GRID1: variants seen among roughly 807,000 people sequenced by gnomAD.
GRID1 encodes glutamate receptor ionotropic, delta-1.
A neutral mutation model predicts 98.0 loss-of-function variants in GRID1; 28 were observed. The observed-to-expected ratio is 0.29, with a 90% confidence interval of 0.21 to 0.39. The LOEUF (loss-of-function observed/expected upper bound fraction) is 0.39, where lower values mean the gene tolerates loss of function less well. Ranked by LOEUF, GRID1 falls within the 10% of genes least tolerant of loss-of-function variation. The pLI, the probability that GRID1 is intolerant of heterozygous loss-of-function variation, is 1.00. For missense variants in GRID1, 1,111 were observed against 1,340.5 expected (o/e 0.83, Z 2.67); for synonymous variants, 553 against 538.5 (o/e 1.03, Z -0.37).
intron 4 of GRID1, among the ~76,000 whole-genome samples, chr10:86,028,823 T>TTAAATTTTTTTAAG (rs1843149493): frequency 6.6e-6 from 1 of 152,108 alleles, no homozygotes; most frequent in Non-Finnish European, 1.5e-5. Flanking sequence ...ATATTTATAC[T>TTAAATTTTTTTAAG]TAAAAAAAAA....
At chr10:86,356,418 G>A (rs1848534226) in intron 2 of GRID1, among the ~76,000 whole-genome samples, 1 of 152,244 alleles carries the variant, frequency 6.6e-6, no homozygotes, top group South Asian at 2.1e-4. Flanking sequence ...TCTGCTTCCA[G>A]GCACATAGTA....
intron 12 of GRID1, among the ~76,000 whole-genome samples, chr10:85,677,336 G>A (rs1841155941): frequency 6.6e-6 from 1 of 152,186 alleles, no homozygotes; most frequent in Admixed American, 6.5e-5. Flanking sequence ...AGCAAGCAGT[G>A]GGAAAAGGGA....
At chr10:86,061,210 C>G (rs568486737) in intron 4 of GRID1, among the ~76,000 whole-genome samples, 1 of 152,152 alleles carries the variant, frequency 6.6e-6, no homozygotes, top group African/African-American at 2.4e-5. Flanking sequence ...CCAGCAGCTC[C>G]GAGCAGCTCC....
intron 4 of GRID1, among the ~76,000 whole-genome samples, chr10:86,071,292 A>C (rs1254268895): frequency 6.6e-6 from 1 of 152,176 alleles, no homozygotes; most frequent in Non-Finnish European, 1.5e-5. Flanking sequence ...TGCCACTCAG[A>C]ATGTCCACCC....
chr10:85,607,065 C>T (rs1842676296), intron 15 of GRID1: 2 of 152,200 alleles, frequency 1.3e-5, no homozygotes, highest in Non-Finnish European at 1.5e-5. Context: ...TCCAGCTCTG[C>T]GTTTCTCATC....
Position 85,987,590 on chromosome 10 carries a change from C to T in GRID1, c.727-71351G>A, listed in dbSNP as rs573680270. The stretch of plus-strand genomic sequence containing the variant: ...CTCCCCAGCCTCACCTCCCCTACAG[C>T]CTTACCTGCCTTACCTGCTCCTACC... On this transcript the variant is annotated intron_variant, in intron 4 of 15. Coordinates refer to ENST00000327946, the MANE Select transcript of GRID1 (RefSeq NM_017551.3). Among the ~76,000 whole-genome samples, 4 of 148,082 alleles carry T rather than the reference C, an allele frequency of 2.7e-5. No homozygotes were observed. In the East Asian group the frequency reaches 6.0e-4, roughly 22 times the overall value.
At chr10:85,865,167 G>A (rs1386297239) in intron 6 of GRID1, among the ~76,000 whole-genome samples, 1 of 152,062 alleles carries the variant, frequency 6.6e-6, no homozygotes, top group African/African-American at 2.4e-5. Context: ...AAGGAAACAA[G>A]AATCAAAAAC....
intron 12 of GRID1, among the ~76,000 whole-genome samples, chr10:85,696,187 A>G (rs896753617): frequency 6.6e-6 from 1 of 152,148 alleles, no homozygotes; most frequent in Non-Finnish European, 1.5e-5. Context: ...CAGTCCTTAG[A>G]TCCATGGATT....
chr10:86,116,084 CTA>C (rs1378885336), intron 4 of GRID1, among the ~76,000 whole-genome samples: 1 of 152,126 alleles, frequency 6.6e-6, no homozygotes, highest in Non-Finnish European at 1.5e-5. Flanking sequence ...TAAGTACACT[CTA>C]TGGGGTTCGT....
intron 8 of GRID1, among the ~76,000 whole-genome samples, chr10:85,788,464 G>A (rs570304649): frequency 8.5e-5 from 13 of 152,226 alleles, no homozygotes; most frequent in East Asian, 5.8e-4. Flanking sequence ...GTCTGCCCAC[G>A]GTCTTATCTG....
Position 85,617,234 on chromosome 10 carries a change from C to G in GRID1, c.2360+2633G>C, listed in dbSNP as rs113510769. Among the ~76,000 whole-genome samples the G allele has an allele frequency of 6.3e-3, 899 of 142,352 alleles. 11 individuals are homozygous for G. Among genetic ancestry groups the G allele is most frequent in the African/African-American group, 0.021 (842 of 39,730 alleles). 93.4% of individuals were successfully genotyped at this position (142,352 alleles called of 152,430 possible). On this transcript the variant is annotated intron_variant, in intron 14 of 15. Coordinates refer to ENST00000327946, the MANE Select transcript of GRID1 (RefSeq NM_017551.3). ...TGCACCATACAACAAAGCCCCCCCCCCCTTTTATTTTTTTTGAGAACAGGG... is the reference window on the plus strand; with the variant it reads ...TGCACCATACAACAAAGCCCCCCCCGCCTTTTATTTTTTTTGAGAACAGGG...
chr10:86,288,691 C>A (rs1847469138), intron 2 of GRID1, among the ~76,000 whole-genome samples: 1 of 152,204 alleles, frequency 6.6e-6, no homozygotes, highest in Admixed American at 6.5e-5. Flanking sequence ...CATTATCACC[C>A]CAAACCTCAA....
At chr10:86,141,064 G>A (rs970785933) in intron 3 of GRID1, among the ~76,000 whole-genome samples, 1 of 152,156 alleles carries the variant, frequency 6.6e-6, no homozygotes, top group South Asian at 2.1e-4. Flanking sequence ...AAGAACAAGG[G>A]TCTCGGTGTT....
intron 13 of GRID1, among the ~76,000 whole-genome samples, chr10:85,629,713 A>G (rs1331671362): frequency 6.6e-6 from 1 of 152,040 alleles, no homozygotes; most frequent in Non-Finnish European, 1.5e-5. Flanking sequence ...TTTTGATATA[A>G]TTTTCTTTGA....
In GRID1 at chr10:85,775,711, A is replaced by T. The variant is rs534643224; in HGVS notation, c.1234-46097T>A. Among the ~76,000 whole-genome samples the T allele has an allele frequency of 5.7e-4, 87 of 152,306 alleles. 1 individual carries two copies. Among genetic ancestry groups the T allele is most frequent in the African/African-American group, 1.7e-3 (70 of 41,580 alleles). Reference sequence around the variant, plus strand: ...AAATAATAGTTGAAATCATTTAAAAATTTTAAATTTTTTGTAAAAGAATAT... The same window carrying T: ...AAATAATAGTTGAAATCATTTAAAATTTTTAAATTTTTTGTAAAAGAATAT... On this transcript the variant is annotated intron_variant, in intron 8 of 15. Transcript: ENST00000327946.
At position 85,865,917 on chromosome 10, in the gene GRID1, A is replaced by ATT. The variant is rs1385490277; in HGVS notation, c.951+3092_951+3093insAA. 3.3e-4 allele frequency among the ~76,000 whole-genome samples: 28 copies of ATT among 83,888 alleles called. 2 individuals carry two copies. The highest frequency in any genetic ancestry group is 7.2e-4 in the Admixed American group (5 of 6,966). 55.0% of individuals were successfully genotyped at this position (83,888 alleles called of 152,430 possible). A position where few individuals can be genotyped will look rare whatever the true frequency, so the allele number is the denominator to read the frequency against. On this transcript the variant is annotated intron_variant, in intron 6 of 15. Coordinates refer to ENST00000327946, the MANE Select transcript of GRID1 (RefSeq NM_017551.3). ...TAAAGTGTTTTACATATATACATAT[A>ATT]TATATATATATATATATATATATAT...
At chr10:85,838,226 G>A (rs1437043220) in intron 8 of GRID1, among the ~76,000 whole-genome samples, 1 of 152,080 alleles carries the variant, frequency 6.6e-6, no homozygotes, top group East Asian at 1.9e-4. Flanking sequence ...GAACCAACTT[G>A]GTAAATATAT....
intron 4 of GRID1, among the ~76,000 whole-genome samples, chr10:85,917,097 C>G (rs1841630980): frequency 6.6e-6 from 1 of 152,152 alleles, no homozygotes; most frequent in African/African-American, 2.4e-5. Flanking sequence ...CCCTCTCCTT[C>G]AATTGAAAAG....
chr10:86,145,725 C>T (rs149666098), intron 3 of GRID1, among the ~76,000 whole-genome samples: 93 of 152,288 alleles, frequency 6.1e-4, no homozygotes, highest in African/African-American at 2.0e-3. Context: ...ATATTAATAA[C>T]GTTAAATCAT....
Sources: gnomAD v4.1 joint callset for allele counts (sites outside exome capture counted in the v4.1 genomes callset) on GRCh38, gnomAD v4.1.1 for gene constraint, MANE v1.5 for transcripts, NCBI Gene and HGNC (gene_info 2026-07-23, HGNC 2026-07-21) for gene names.